Variants in CAAP1 observed in about 807,000 individuals in gnomAD.
CAAP1 encodes the protein caspase activity and apoptosis inhibitor 1, also known as conserved anti-apoptotic protein.
CAAP1 carries 20 observed loss-of-function variants against 34.0 expected under a neutral mutation model. The ratio of observed to expected loss-of-function variants is 0.59; its 90% CI spans 0.41 to 0.86. The LOEUF (loss-of-function observed/expected upper bound fraction) is 0.86. CAAP1 is among the 40% of genes least tolerant of loss of function. The pLI, the probability that CAAP1 is intolerant of heterozygous loss-of-function variation, is 0.00. For synonymous variants in CAAP1, 213 were observed against 166.7 expected (o/e 1.28, Z -2.14); for missense variants, 538 against 450.5 (o/e 1.19, Z -1.76).
intron 4 of CAAP1, among the ~76,000 whole-genome samples, chr9:26,871,694 T>A (rs1037444402): frequency 2.0e-5 from 3 of 150,078 alleles, no homozygotes; most frequent in African/African-American, 7.4e-5. Context: ...GAAGCCGAGG[T>A]GGGTGGGTCA....
At position 26,857,582 on chromosome 9, in the gene CAAP1, A is replaced by G. The variant is rs373856167; in HGVS notation, c.739+3484T>C. On this transcript the variant is annotated intron_variant, in intron 5 of 5. Coordinates refer to ENST00000333916, the MANE Select transcript of CAAP1 (RefSeq NM_024828.4). ...AAGAGATGGAGGTTACAGTGAGCTG[A>G]AATCACACCACTGCACTCCAGCCTA... is the stretch of plus-strand genomic sequence containing the variant. 2.0e-5 allele frequency among the ~76,000 whole-genome samples: 3 copies of G among 152,320 alleles called. No homozygotes were observed. The East Asian group carries it at 5.8e-4, about 29-fold the overall frequency.
At chr9:26,870,378 C>T (rs924784359) in intron 4 of CAAP1, among the ~76,000 whole-genome samples, 2 of 151,754 alleles carry the variant, frequency 1.3e-5, no homozygotes, top group African/African-American at 4.8e-5. Flanking sequence ...CTACTGCTGT[C>T]TTTTTTGTAG....
At chr9:26,886,571 C>A (rs971102383) in intron 2 of CAAP1, among the ~76,000 whole-genome samples, 1 of 152,102 alleles carries the variant, frequency 6.6e-6, no homozygotes, top group Non-Finnish European at 1.5e-5. Flanking sequence ...ATTTCTACAA[C>A]TGTAAAATTA....
Position 26,892,367 on chromosome 9 carries a change from G to A in CAAP1, c.303+46C>T, listed in dbSNP as rs1190187722. 8 of 1,594,972 alleles carry A rather than the reference G, an allele frequency of 5.0e-6. No homozygotes were observed. In the Admixed American group the frequency reaches 1.4e-4, roughly 27 times the overall value. On this transcript the variant is annotated intron_variant, in intron 1 of 5. Transcript: ENST00000333916. ...TCCCTCTGGAAGCCCGACTTCTTCC[G>A]AAAAAGCAGCAGCTCCAGGAAGCGG...
At chr9:26,852,027 T>C (rs893254834) in intron 5 of CAAP1, among the ~76,000 whole-genome samples, 3 of 152,180 alleles carry the variant, frequency 2.0e-5, no homozygotes, top group Non-Finnish European at 4.4e-5. Flanking sequence ...ATTCTAATTT[T>C]AGATAATGTA....
In CAAP1 at chr9:26,876,164, G is replaced by A. The variant is rs544935011; in HGVS notation, c.665+8646C>T. ...ATCCTGTCTTTTCCAGCTTCTAAAA[G>A]GTAGCCTATATTCCCTGGCTTGTGG... On this transcript the variant is annotated intron_variant, in intron 4 of 5. Transcript: ENST00000333916. 8.5e-5 allele frequency among the ~76,000 whole-genome samples: 13 copies of A among 152,230 alleles called. No homozygotes were observed. In the South Asian group the frequency reaches 2.7e-3, roughly 32 times the overall value.
chr9:26,864,360 T>TG (rs1050144616), intron 4 of CAAP1, among the ~76,000 whole-genome samples: 2 of 152,046 alleles, frequency 1.3e-5, no homozygotes, highest in African/African-American at 4.8e-5. Context: ...TTTCTAAATA[T>TG]GGGGGGTGGG....
chr9:26,880,282 T>C (rs757568674), intron 4 of CAAP1: 13 of 402,062 alleles, frequency 3.2e-5, no homozygotes, highest in Non-Finnish European at 5.4e-5. Flanking sequence ...AAAGCACCAA[T>C]AGCTGCGCTC....
At chr9:26,867,996 T>C (rs762481683) in intron 4 of CAAP1, among the ~76,000 whole-genome samples, 1 of 152,262 alleles carries the variant, frequency 6.6e-6, no homozygotes, top group South Asian at 2.1e-4. Flanking sequence ...GATCAGAAGG[T>C]GAAACAGAAA....
chr9:26,874,205 T>TAA (rs1823362843), intron 4 of CAAP1, among the ~76,000 whole-genome samples: 1 of 48,018 alleles, frequency 2.1e-5, no homozygotes, highest in African/African-American at 1.1e-4. Context: ...AGACTCTGTC[T>TAA]CAAAAAAAAA....
In CAAP1 at chr9:26,841,211, T is replaced by C. The variant is rs1485664680; in HGVS notation, c.*1090A>G. 6.6e-6 allele frequency: 1 copy of C among 152,314 alleles called. No homozygotes were observed. Among genetic ancestry groups the C allele is most frequent in the Non-Finnish European group, 1.5e-5 (1 of 67,988 alleles). 9.4% of individuals were successfully genotyped at this position (152,314 alleles called of 1,614,324 possible). A position where few individuals can be genotyped will look rare whatever the true frequency, so the allele number is the denominator to read the frequency against. On this transcript the variant is annotated 3_prime_UTR_variant, in exon 6 of 6. Coordinates refer to ENST00000333916, the MANE Select transcript of CAAP1 (RefSeq NM_024828.4). ...ACCATGGCTTATAAATAAAATATAC[T>C]GTATTTGTTATCAAATATAGAAACA...
chr9:26,876,489 T>C (rs1334913780), intron 4 of CAAP1, among the ~76,000 whole-genome samples: 1 of 150,616 alleles, frequency 6.6e-6, no homozygotes. Context: ...TTTTTTTTTT[T>C]TTGAGATTCC....
chr9:26,861,007 G>C, intron 5 of CAAP1, 59 bp downstream of exon 5: 1 of 1,239,882 alleles, frequency 8.1e-7, no homozygotes, highest in South Asian at 1.2e-5. Flanking sequence ...TTTATTTTTG[G>C]TAAAATGCTT....
rs1435543944 is a variant in CAAP1, at chr9:26,887,430, C to T, written c.387G>A (p.Leu129=). ...HSDLEEGGLD[L]TVSLKPVSFY... Reference sequence around the variant, plus strand: ...AACTAACTGGTTTCAATGACACAGTCAGGTCCAGTCCACCTTCTTCAAGGT... The same window carrying T: ...AACTAACTGGTTTCAATGACACAGTTAGGTCCAGTCCACCTTCTTCAAGGT... Residue 129 remains leucine (L), a synonymous_variant, in exon 2 of 6, where the codon CTG becomes CTA. Transcript: ENST00000333916. 6.2e-7 allele frequency: 1 copy of T among 1,613,716 alleles called. No homozygotes were observed. Among genetic ancestry groups the T allele is most frequent in the Non-Finnish European group, 8.5e-7 (1 of 1,179,810 alleles).
At chr9:26,844,815 C>CTA (rs1199563630) in intron 5 of CAAP1, among the ~76,000 whole-genome samples, 3 of 152,146 alleles carry the variant, frequency 2.0e-5, no homozygotes, top group African/African-American at 7.2e-5. Context: ...TGTCTGTAAT[C>CTA]TAGTTTTTTT....
intron 4 of CAAP1, among the ~76,000 whole-genome samples, chr9:26,879,066 T>C (rs1823520953): frequency 6.6e-6 from 1 of 152,230 alleles, no homozygotes; most frequent in Non-Finnish European, 1.5e-5. Context: ...TGGAGAAATG[T>C]ACACTGATTC....
intron 1 of CAAP1, among the ~76,000 whole-genome samples, 173 bp from the exon 2 acceptor site, chr9:26,887,686 A>G (rs1320534457): frequency 4.6e-5 from 7 of 152,294 alleles, no homozygotes; most frequent in South Asian, 4.1e-4. Flanking sequence ...ATATTACTTG[A>G]TTTTTCTCTC....
intron 5 of CAAP1, among the ~76,000 whole-genome samples, chr9:26,850,937 C>T (rs1822735491): frequency 6.6e-6 from 1 of 152,134 alleles, no homozygotes; most frequent in East Asian, 1.9e-4. Context: ...TCTACTGAAC[C>T]ATTATTGAAC....
chr9:26,890,418 A>G (rs1238626089), intron 1 of CAAP1, among the ~76,000 whole-genome samples: 2 of 152,002 alleles, frequency 1.3e-5, no homozygotes, highest in Non-Finnish European at 2.9e-5. Flanking sequence ...GAATGGTAAT[A>G]TCCAAAACTG....
Sources: allele counts gnomAD v4.1 joint callset (sites outside exome capture counted in the v4.1 genomes callset), GRCh38; gene constraint gnomAD v4.1.1; transcripts MANE v1.5; gene names NCBI Gene and HGNC (gene_info 2026-07-23, HGNC 2026-07-21).